The following COL4A1 variants were observed in gnomAD, a reference collection of about 807,000 sequenced individuals.
COL4A1 encodes collagen alpha-1(IV) chain.
Under a neutral mutation model 216.6 loss-of-function variants are expected in COL4A1, and 40 were observed. The ratio of observed to expected loss-of-function variants is 0.18; its 90% CI spans 0.14 to 0.24. The LOEUF (loss-of-function observed/expected upper bound fraction) is 0.24. Among genes scored for constraint, COL4A1 ranks in the 10% least tolerant of loss-of-function variants. The pLI is 1.00. For missense variants in COL4A1, 1,628 were observed against 2,196.8 expected (o/e 0.74, Z 5.18); for synonymous variants, 839 against 810.7 (o/e 1.03, Z -0.59).
chr13:110,152,653 G>T, intron 50 of COL4A1, 147 bp from the exon 51 acceptor site: 2 of 1,054,042 alleles, frequency 1.9e-6, no homozygotes, highest in Non-Finnish European at 2.8e-6. Context: ...CACACTCTGT[G>T]CCCAAATTAT....
chr13:110,226,181 C>T (rs973670062), intron 2 of COL4A1, among the ~76,000 whole-genome samples: 5 of 152,252 alleles, frequency 3.3e-5, no homozygotes, highest in South Asian at 2.1e-4. Context: ...CTAAGACAGA[C>T]ATAAGAAAAT....
In COL4A1 at chr13:110,152,318, C is replaced by A. The variant is rs1876537321; in HGVS notation, c.4928+16G>T. The A allele has an allele frequency of 2.5e-6, 4 of 1,613,958 alleles. No homozygotes were observed. The highest frequency in any genetic ancestry group is 2.5e-6 in the Non-Finnish European group (3 of 1,180,000). ...AAGGGGCCAGCAGCCTGCAAAAAAG[C>A]AGTGCTCCCACTTACTTGAACATCT... is the stretch of plus-strand genomic sequence containing the variant. On this transcript the variant is annotated intron_variant, in intron 51 of 51. Transcript: ENST00000375820.
chr13:110,221,850 G>T (rs549374719), intron 2 of COL4A1, among the ~76,000 whole-genome samples: 1 of 152,350 alleles, frequency 6.6e-6, no homozygotes, highest in African/African-American at 2.4e-5. Flanking sequence ...AGAAAAATAT[G>T]ATGATGATCT....
chr13:110,219,828 G>GTATATATGTATATGTGTGTATATA, intron 2 of COL4A1, among the ~76,000 whole-genome samples: 1 of 69,658 alleles, frequency 1.4e-5, no homozygotes, highest in Non-Finnish European at 3.0e-5. Context: ...GTATATATAT[G>GTATATATGTATATGTGTGTATATA]TATGTATGTA....
intron 24 of COL4A1, chr13:110,191,037 G>A (rs1878605051): frequency 6.6e-6 from 1 of 152,202 alleles, no homozygotes; most frequent in African/African-American, 2.4e-5. Flanking sequence ...TTCCTTCAAA[G>A]TTCTTCTGTC....
At chr13:110,297,362 T>C (rs1185223270) in intron 1 of COL4A1, among the ~76,000 whole-genome samples, 6 of 152,168 alleles carry the variant, frequency 3.9e-5, no homozygotes, top group African/African-American at 7.2e-5. Flanking sequence ...TCTTATGATA[T>C]GGCAGTCACT....
intron 1 of COL4A1, among the ~76,000 whole-genome samples, chr13:110,256,145 C>T (rs1882555389): frequency 6.6e-6 from 1 of 152,064 alleles, no homozygotes; most frequent in Non-Finnish European, 1.5e-5. Context: ...AGCCTCCTCC[C>T]CATGAAATCT....
intron 2 of COL4A1, among the ~76,000 whole-genome samples, chr13:110,238,363 AGCATTTATCAGCTGGTCCCAAGAGCT>A (rs1433477095): frequency 6.6e-6 from 1 of 152,236 alleles, no homozygotes; most frequent in Non-Finnish European, 1.5e-5. Flanking sequence ...TTGCTATGAC[AGCATTTATCAGCTGGTCCCAAGAGCT>A]GTTTTCTCTG....
At chr13:110,294,631 A>T (rs945852283) in intron 1 of COL4A1, among the ~76,000 whole-genome samples, 1 of 152,254 alleles carries the variant, frequency 6.6e-6, no homozygotes, top group African/African-American at 2.4e-5. Context: ...TCTGAGACAC[A>T]AAGTAGACAC....
intron 1 of COL4A1, among the ~76,000 whole-genome samples, chr13:110,271,178 C>A (rs561597807): frequency 1.3e-5 from 2 of 152,292 alleles, no homozygotes; most frequent in South Asian, 4.1e-4. Context: ...TCTGCAGAAT[C>A]CCAACTAACA....
At chr13:110,195,203 A>G in intron 21 of COL4A1, 85 bp from the exon 22 acceptor site, 2 of 1,045,680 alleles carry the variant, frequency 1.9e-6, no homozygotes, top group Non-Finnish European at 1.5e-6. Context: ...AAACCAAAAT[A>G]TTTTAGGCTA....
rs1879565062 is a variant in COL4A1, at chr13:110,207,331, C to G, written c.780+72G>C. 7.5e-7 allele frequency: 1 copy of G among 1,327,778 alleles called. No homozygotes were observed. Among genetic ancestry groups the G allele is most frequent in the Admixed American group, 1.7e-5 (1 of 59,506 alleles). 82.2% of individuals were successfully genotyped at this position (1,327,778 alleles called of 1,614,324 possible). On this transcript the variant is annotated intron_variant, in intron 13 of 51. Coordinates refer to ENST00000375820, the MANE Select transcript of COL4A1 (RefSeq NM_001845.6). This position sits in a 1 kb window ranked among gnomAD's most constrained non-coding sequence, Gnocchi z 4.4. ...TAGCTGGAAAAACTGAGTTTTGACC[C>G]ATTTTCTCTTTATCTTTTGGAATTT...
intron 21 of COL4A1, among the ~76,000 whole-genome samples, chr13:110,196,900 T>A (rs970005708): frequency 6.6e-6 from 1 of 152,154 alleles, no homozygotes. Flanking sequence ...ATTATAAATC[T>A]TAGTACAAAT....
rs1277321795 is a variant in COL4A1, at chr13:110,152,473, C to A, written c.4789G>T (p.Ala1597Ser). Residue 1597 changes from alanine (A) to serine (S), a missense_variant, in exon 51 of 52, where the codon GCC becomes TCC. Around this residue, in one of 8 missense-constraint regions of COL4A1, gnomAD observed 254 missense variants for 300.1 expected, o/e 0.85. Transcript: ENST00000375820. ...AGGCAGGAGCCGGGGGACGCCAGGGCTTGGCCAGAGCCTTCTGCACCAGCG... is the reference window on the plus strand; with the variant it reads ...AGGCAGGAGCCGGGGGACGCCAGGGATTGGCCAGAGCCTTCTGCACCAGCG... The part of the protein sequence containing the change: ...TSAGAEGSGQ[A>S]LASPGSCLEE... The A allele has an allele frequency of 1.9e-6, 3 of 1,613,574 alleles. No individual in the cohort carries two copies. The highest frequency in any genetic ancestry group is 2.5e-6 in the Non-Finnish European group (3 of 1,180,004).
chr13:110,233,485 G>A (rs693358), intron 2 of COL4A1, among the ~76,000 whole-genome samples: 152,075 of 152,252 alleles, frequency 1, 75,949 homozygotes, highest in Middle Eastern at 1. Flanking sequence ...TGGCAAAAAC[G>A]AAGTGATATC....
chr13:110,181,314 T>C lies in COL4A1; in HGVS notation c.2171A>G (p.Asn724Ser), dbSNP rs1878139800. The C allele has an allele frequency of 3.1e-6, 5 of 1,613,906 alleles. No homozygotes were observed. Among genetic ancestry groups the C allele is most frequent in the Non-Finnish European group, 3.4e-6 (4 of 1,179,872 alleles). ...GRPGFNGLPG[N>S]PGVQGQKGEP... ...CACCTTCTGGCCCTGCACACCTGGG[T>C]TCCCAGGTAAGCCATTAAATCCCGG... Residue 724 changes from asparagine (N) to serine (S), a missense_variant, in exon 29 of 52, where the codon AAC becomes AGC. By Grantham distance (46) the Asn-to-Ser change is conservative. This residue lies in a region of COL4A1 where 701 missense variants were observed against 892.5 expected (regional missense o/e 0.79). Coordinates refer to ENST00000375820, the MANE Select transcript of COL4A1 (RefSeq NM_001845.6).
chr13:110,243,959 A>T (rs989368793), intron 1 of COL4A1, among the ~76,000 whole-genome samples: 4 of 152,222 alleles, frequency 2.6e-5, no homozygotes, highest in African/African-American at 9.6e-5. Flanking sequence ...ATTTCCTTAG[A>T]AGAATCCCAA....
chr13:110,152,570 T>A (rs1876558830), intron 50 of COL4A1, 64 bp from the exon 51 acceptor site: 1 of 1,548,238 alleles, frequency 6.5e-7, no homozygotes, highest in East Asian at 2.3e-5. Flanking sequence ...AAGAGATCGA[T>A]CCTTCCCAGG....
At chr13:110,285,826 C>T (rs901220304) in intron 1 of COL4A1, among the ~76,000 whole-genome samples, 2 of 152,256 alleles carry the variant, frequency 1.3e-5, no homozygotes, top group Middle Eastern at 3.4e-3. Context: ...GACCTCTCAG[C>T]CCCCATGGTC....
Sources: allele counts gnomAD v4.1 joint callset (sites outside exome capture counted in the v4.1 genomes callset), GRCh38; gene constraint gnomAD v4.1.1; regional missense constraint gnomAD v4.1.1; non-coding constraint Gnocchi (gnomAD v3.1); transcripts MANE v1.5; gene names NCBI Gene and HGNC (gene_info 2026-07-23, HGNC 2026-07-21).